TNFRSF9: variants seen among roughly 807,000 people sequenced by gnomAD.
TNFRSF9 encodes tumor necrosis factor receptor superfamily member 9.
In TNFRSF9, 16 loss-of-function variants were observed where a neutral mutation model predicts 28.8. The ratio of observed to expected loss-of-function variants is 0.55; its 90% CI spans 0.38 to 0.84. TNFRSF9 has a LOEUF of 0.84. Among genes scored for constraint, TNFRSF9 ranks in the 40% least tolerant of loss-of-function variants. The pLI is 0.00. For synonymous variants in TNFRSF9, 131 were observed against 117.0 expected, an observed-to-expected ratio of 1.12 and a Z score of -0.77; for missense variants, 303 against 315.0, an observed-to-expected ratio of 0.96 and a Z score of 0.29.
At position 7,929,747 on chromosome 1, in the gene TNFRSF9, G is replaced by A. The variant is rs1315994904; in HGVS notation, c.679+3415C>T. On this transcript the variant is annotated intron_variant, in intron 7 of 7. Coordinates refer to ENST00000377507, the MANE Select transcript of TNFRSF9 (RefSeq NM_001561.6). ...GTGGAAGGAGATCTCTGTGGTGATG[G>A]ATAGTTCTGATTTTATTGTGCTGGT... Among the ~76,000 whole-genome samples the A allele has an allele frequency of 2.0e-5, 3 of 152,088 alleles. 1 individual carries two copies. The highest frequency in any genetic ancestry group is 7.2e-5 in the African/African-American group (3 of 41,424).
rs9657996 is a variant in TNFRSF9, at chr1:7,931,271, A to G, written c.679+1891T>C. 1.9e-3 allele frequency among the ~76,000 whole-genome samples: 297 copies of G among 152,354 alleles called. 2 individuals carry two copies. The highest frequency in any genetic ancestry group is 6.7e-3 in the African/African-American group (278 of 41,588). On this transcript the variant is annotated intron_variant, in intron 7 of 7. Transcript: ENST00000377507. ...GCTCAGCAACGTTATTTCTAGGTTAAAAAACAAAACCAAGCCAGAAACACG... is the reference window on the plus strand; with the variant it reads ...GCTCAGCAACGTTATTTCTAGGTTAGAAAACAAAACCAAGCCAGAAACACG...
rs1280075631 is a variant in TNFRSF9, at chr1:7,918,855, G to A, written c.*1980C>T. 2.0e-5 allele frequency: 3 copies of A among 152,166 alleles called. No individual in the cohort carries two copies. Among genetic ancestry groups the A allele is most frequent in the African/African-American group, 7.2e-5 (3 of 41,438 alleles). 9.4% of individuals were successfully genotyped at this position (152,166 alleles called of 1,614,324 possible). On this transcript the variant is annotated 3_prime_UTR_variant, in exon 8 of 8. Transcript: ENST00000377507. ...ATTAAGGGCACCTGATAGTACCAGA[G>A]GGTAGCAAGGATGTGGATCAATGGG...
Position 7,920,772 on chromosome 1 carries a change from C to A in TNFRSF9, c.*63G>T. On this transcript the variant is annotated 3_prime_UTR_variant, in exon 8 of 8. Coordinates refer to ENST00000377507, the MANE Select transcript of TNFRSF9 (RefSeq NM_001561.6). ...TTCTTGCTTTTGAAAGCTGTGATAG[C>A]GGATGACTCATATTTCCTTGCTTCT... The A allele has an allele frequency of 7.8e-7, 1 of 1,279,450 alleles. No homozygotes were observed. The highest frequency in any genetic ancestry group is 1.2e-5 in the South Asian group (1 of 83,762). The allele number at this position is 1,279,450 out of a possible 1,614,324, so 79.3% of individuals were successfully genotyped here.
chr1:7,936,990 C>G (rs1366188120), intron 5 of TNFRSF9, among the ~76,000 whole-genome samples: 1 of 152,210 alleles, frequency 6.6e-6, no homozygotes, highest in Non-Finnish European at 1.5e-5. Context: ...CCTGTGATGG[C>G]CTTGTGTGCC....
chr1:7,935,207 A>G, intron 5 of TNFRSF9, 64 bp from the exon 6 acceptor site: 2 of 1,561,060 alleles, frequency 1.3e-6, no homozygotes, highest in Non-Finnish European at 1.7e-6. Flanking sequence ...CTGGTTTAAA[A>G]CTTTGTCATT....
At chr1:7,936,405 G>A (rs569986631) in intron 5 of TNFRSF9, 4 of 160,118 alleles carry the variant, frequency 2.5e-5, no homozygotes, top group East Asian at 1.8e-4. Flanking sequence ...CAAGAAGAGC[G>A]AAACTCCATC....
Position 7,935,130 on chromosome 1 carries a change from C to T in TNFRSF9, c.427G>A (p.Gly143Arg). ...GTCCCATTCACAAGCACAGACTTTC[C>T]ATCCAAAGAACAGCTTAGACAGTTC... The part of the protein sequence containing the change: ...CRPWTNCSLD[G>R]KSVLVNGTKE... The change falls in exon 6 of 8, where the codon GGA becomes AGA. Residue 143 changes from glycine (G) to arginine (R), a missense_variant. Gly to Arg is a moderately radical substitution (Grantham distance 125). Transcript: ENST00000377507. The T allele has an allele frequency of 6.2e-7, 1 of 1,614,202 alleles. No individual in the cohort carries two copies. Among genetic ancestry groups the T allele is most frequent in the African/African-American group, 1.3e-5 (1 of 75,058 alleles).
chr1:7,929,157 CCT>C (rs779360847), intron 7 of TNFRSF9, among the ~76,000 whole-genome samples: 9,530 of 65,258 alleles, frequency 0.15, 1,416 homozygotes, highest in African/African-American at 0.29. Context: ...TTTTCTTTTT[CCT>C]TTTTTTTTTT....
chr1:7,935,138 G>T lies in TNFRSF9; in HGVS notation c.419C>A (p.Ser140Tyr), dbSNP rs772174985. ...CACAAGCACAGACTTTCCATCCAAA[G>T]AACAGCTTAGACAGTTCAATGAAAA... The part of the protein sequence containing the change: ...RGICRPWTNC[S>Y]LDGKSVLVNG... Residue 140 changes from serine (S) to tyrosine (Y), a missense_variant, in exon 6 of 8, where the codon TCT becomes TAT. Physicochemically the swap from Ser to Tyr is moderately radical, Grantham distance 144 (BLOSUM62 -2). Coordinates refer to ENST00000377507, the MANE Select transcript of TNFRSF9 (RefSeq NM_001561.6). 1.9e-6 allele frequency: 3 copies of T among 1,614,152 alleles called. No homozygotes were observed. The highest frequency in any genetic ancestry group is 1.1e-5 in the South Asian group (1 of 91,084).
At chr1:7,939,837 T>C in intron 2 of TNFRSF9, 58 bp downstream of exon 2, 1 of 1,375,494 alleles carries the variant, frequency 7.3e-7, no homozygotes, top group Middle Eastern at 1.8e-4. Flanking sequence ...ACTACTAGAC[T>C]AACTGAACCA....
rs539146273 is a variant in TNFRSF9 at position 7,932,030 on chromosome 1, G to A, written c.679+1132C>T. On this transcript the variant is annotated intron_variant, in intron 7 of 7. Coordinates refer to ENST00000377507, the MANE Select transcript of TNFRSF9 (RefSeq NM_001561.6). ...TGGTGGCGCATGCCTGTAATGCCTC[G>A]GGAGCCTGAGGCAGGAGAATCGCTT... 3.9e-5 allele frequency among the ~76,000 whole-genome samples: 6 copies of A among 152,186 alleles called. No individual in the cohort carries two copies. The South Asian group carries it at 8.3e-4, about 21-fold the overall frequency.
At chr1:7,933,813 T>C (rs1450138791) in intron 6 of TNFRSF9, among the ~76,000 whole-genome samples, 2 of 151,990 alleles carry the variant, frequency 1.3e-5, no homozygotes, top group Non-Finnish European at 2.9e-5. Context: ...GGTCAAGAGT[T>C]TGAAACCAGC....
chr1:7,938,768 G>C lies in TNFRSF9; in HGVS notation c.161C>G (p.Ser54Cys). Residue 54 changes from serine (S) to cysteine (C), a missense_variant, in exon 3 of 8, where the codon TCC (serine) becomes TGC (cysteine). Ser to Cys is a moderately radical substitution (Grantham distance 112, BLOSUM62 -1). Transcript: ENST00000377507. ...ACAGGTCCTTTGTCCACCTGCGCTG[G>C]AGAAACTATTTGGAGGACAGGGACT... ...ICSPCPPNSF[S>C]SAGGQRTCDI... 1 of 1,613,718 alleles carries C rather than the reference G, an allele frequency of 6.2e-7. No individual in the cohort carries two copies. Among genetic ancestry groups the C allele is most frequent in the Non-Finnish European group, 8.5e-7 (1 of 1,179,780 alleles).
At chr1:7,938,027 T>C (rs927108757) in intron 4 of TNFRSF9, among the ~76,000 whole-genome samples, 166 bp downstream of exon 4, 11 of 152,214 alleles carry the variant, frequency 7.2e-5, no homozygotes, top group African/African-American at 1.4e-4. Flanking sequence ...ATAACGGAAA[T>C]ATTTTATTAA....
intron 6 of TNFRSF9, 49 bp from the exon 7 acceptor site, chr1:7,933,345 T>C: frequency 6.3e-7 from 1 of 1,586,310 alleles, no homozygotes; most frequent in African/African-American, 1.4e-5. Context: ...GTGTTGACAC[T>C]CATACACCCA....
chr1:7,923,111 C>T (rs1019460536), intron 7 of TNFRSF9, among the ~76,000 whole-genome samples: 1 of 152,000 alleles, frequency 6.6e-6, no homozygotes, highest in Non-Finnish European at 1.5e-5. Context: ...CCATATTGGC[C>T]AGGCTGGTCT....
rs1346412552 is a variant in TNFRSF9, at chr1:7,920,156, T to A, written c.*679A>T. 6.6e-6 allele frequency: 1 copy of A among 152,352 alleles called. No homozygotes were observed. Among genetic ancestry groups the A allele is most frequent in the Non-Finnish European group, 1.5e-5 (1 of 68,052 alleles). The allele number at this position is 152,352 out of a possible 1,614,324, so 9.4% of individuals were successfully genotyped here. A position where few individuals can be genotyped will look rare whatever the true frequency, so the allele number is the denominator to read the frequency against. On this transcript the variant is annotated 3_prime_UTR_variant, in exon 8 of 8. Transcript: ENST00000377507. ...CTGCACCTCGTGGCTTATTGTCATATGTCATATTAGCACCAAAAAACAAAC... is the reference window on the plus strand; with the variant it reads ...CTGCACCTCGTGGCTTATTGTCATAAGTCATATTAGCACCAAAAAACAAAC...
At chr1:7,940,437 A>C (rs9657957) in intron 1 of TNFRSF9, among the ~76,000 whole-genome samples, 2 of 152,342 alleles carry the variant, frequency 1.3e-5, no homozygotes, top group South Asian at 2.1e-4. Context: ...CCTTACAAAG[A>C]GAATCTGTCA....
intron 7 of TNFRSF9, among the ~76,000 whole-genome samples, chr1:7,930,895 T>A (rs1052766272): frequency 1.3e-5 from 2 of 152,150 alleles, no homozygotes; most frequent in African/African-American, 4.8e-5. Context: ...TTGCAGCTCA[T>A]GAACAGCAGA....
Sources: gnomAD v4.1 joint callset for allele counts (sites outside exome capture counted in the v4.1 genomes callset) on GRCh38, gnomAD v4.1.1 for gene constraint, MANE v1.5 for transcripts, NCBI Gene and HGNC (gene_info 2026-07-23, HGNC 2026-07-21) for gene names.